Variants in MEF2A observed in about 807,000 individuals in gnomAD.
MEF2A encodes myocyte-specific enhancer factor 2A.
Under a neutral mutation model 55.8 loss-of-function variants are expected in MEF2A, and 28 were observed. That is an observed-to-expected ratio of 0.50 (90% CI 0.37 to 0.69). MEF2A has a LOEUF of 0.69. MEF2A is among the 30% of genes least tolerant of loss of function. The probability of loss-of-function intolerance (pLI) is 0.00; values close to 1 mark genes in which losing one functional copy is unlikely to be tolerated. For missense variants in MEF2A, 528 were observed against 626.2 expected (o/e 0.84, Z 1.67); for synonymous variants, 239 against 227.1 (o/e 1.05, Z -0.47).
chr15:99,593,846 G>C (rs905735286), intron 1 of MEF2A, among the ~76,000 whole-genome samples: 1 of 152,168 alleles, frequency 6.6e-6, no homozygotes, highest in African/African-American at 2.4e-5. Flanking sequence ...TGCTTCAAAG[G>C]TCTTGTTTCT....
At chr15:99,708,710 C>T (rs1472837816) in intron 10 of MEF2A, among the ~76,000 whole-genome samples, 3 of 152,188 alleles carry the variant, frequency 2.0e-5, no homozygotes, top group Non-Finnish European at 4.4e-5. Flanking sequence ...GCAGTGAAGC[C>T]TGGGGGGAAG....
intron 4 of MEF2A, among the ~76,000 whole-genome samples, chr15:99,653,183 G>A (rs1457318750): frequency 6.6e-6 from 1 of 152,172 alleles, no homozygotes; most frequent in Non-Finnish European, 1.5e-5. Flanking sequence ...CCTGTAAGGT[G>A]AGATGTATAT....
rs1483014417 is a variant in MEF2A, at chr15:99,677,498, A to G, written c.670+2040A>G. 2.0e-5 allele frequency among the ~76,000 whole-genome samples: 3 copies of G among 152,168 alleles called. No homozygotes were observed. In the East Asian group the frequency reaches 5.8e-4, roughly 29 times the overall value. On this transcript the variant is annotated intron_variant, in intron 7 of 11. Coordinates refer to ENST00000557942, the MANE Select transcript of MEF2A (RefSeq NM_001319206.4). ...AGCAAATACAAGAATTAAGAAACTA[A>G]AAGATAAGATAGAAGAAAATTATCC...
intron 4 of MEF2A, among the ~76,000 whole-genome samples, chr15:99,664,538 A>G (rs1031812234): frequency 6.6e-6 from 1 of 152,244 alleles, no homozygotes. Context: ...TTTATGGAAC[A>G]GATAGAATGG....
chr15:99,623,277 A>G (rs562333976), intron 2 of MEF2A, among the ~76,000 whole-genome samples: 3 of 152,306 alleles, frequency 2.0e-5, no homozygotes, highest in Admixed American at 2.0e-4. Flanking sequence ...TATTGTATGT[A>G]TGTACCACCT....
At chr15:99,582,494 C>T (rs1966222554) in intron 1 of MEF2A, among the ~76,000 whole-genome samples, 1 of 152,018 alleles carries the variant, frequency 6.6e-6, no homozygotes, top group Non-Finnish European at 1.5e-5. Flanking sequence ...TCATATTTGA[C>T]CTTATACTAA....
In MEF2A at chr15:99,612,798, T is replaced by TA. The variant is rs534554701; in HGVS notation, c.-143+14288dup. ...ACAGTGAGGGGTCTTACTTAATAGT[T>TA]ACACCTGTCTCAGGTAAACCAGAAT... is the stretch of plus-strand genomic sequence containing the variant. On this transcript the variant is annotated intron_variant, in intron 2 of 11. Transcript: ENST00000557942. 2.6e-4 allele frequency among the ~76,000 whole-genome samples: 40 copies of TA among 152,300 alleles called. No individual in the cohort carries two copies. The South Asian group carries it at 8.3e-3, about 32-fold the overall frequency.
At chr15:99,566,789 T>A (rs922043812) in intron 1 of MEF2A, among the ~76,000 whole-genome samples, 1 of 151,986 alleles carries the variant, frequency 6.6e-6, no homozygotes, top group Non-Finnish European at 1.5e-5. Flanking sequence ...TGTGTAGATG[T>A]CAGTGGCGGG....
At chr15:99,645,846 T>G in intron 4 of MEF2A, 82 bp downstream of exon 4, 1 of 1,002,066 alleles carries the variant, frequency 1.0e-6, no homozygotes, top group Non-Finnish European at 1.4e-6. Context: ...GAATGACTTG[T>G]ACATCTAAAA....
chr15:99,567,000 AAGTGAGAT>A (rs879326793), intron 1 of MEF2A, among the ~76,000 whole-genome samples: 4 of 152,248 alleles, frequency 2.6e-5, no homozygotes, highest in African/African-American at 4.8e-5. Context: ...GGGTTAAAGT[AAGTGAGAT>A]AGTGCAAACA....
chr15:99,673,944 ATTAAG>A (rs954418324), intron 5 of MEF2A, among the ~76,000 whole-genome samples: 10 of 152,056 alleles, frequency 6.6e-5, no homozygotes, highest in Middle Eastern at 3.2e-3. Context: ...GATTTGACAT[ATTAAG>A]TTAATAATAT....
rs1024345627 is a variant in MEF2A, at chr15:99,627,197, G to A, written c.-142-5781G>A. On this transcript the variant is annotated intron_variant, in intron 2 of 11. Transcript: ENST00000557942. Reference sequence around the variant, plus strand: ...AGTAAGGAACACGAAGTGGGTTAGGGCCAGTGAAAAAGTGGGAGTTTGAGA... The same window carrying A: ...AGTAAGGAACACGAAGTGGGTTAGGACCAGTGAAAAAGTGGGAGTTTGAGA... Among the ~76,000 whole-genome samples, 2 of 151,828 alleles carry A rather than the reference G, an allele frequency of 1.3e-5. 1 individual carries two copies. The highest frequency in any genetic ancestry group is 4.2e-4 in the South Asian group (2 of 4,808).
rs34753858 is a variant in MEF2A, at chr15:99,697,054, T to TA, written c.859-6297dup. Among the ~76,000 whole-genome samples the TA allele has an allele frequency of 1.2e-3, 176 of 150,788 alleles. 1 individual carries two copies. In the East Asian group the frequency reaches 0.03, roughly 26 times the overall value. The stretch of plus-strand genomic sequence containing the variant: ...AACAATTGAACATCTATTCATCATT[T>TA]AAAAAAAAAAATCTCAATGAACTAG... On this transcript the variant is annotated intron_variant, in intron 8 of 11. Transcript: ENST00000557942.
chr15:99,710,378 G>A (rs528201002), intron 10 of MEF2A, among the ~76,000 whole-genome samples: 6 of 152,302 alleles, frequency 3.9e-5, no homozygotes, highest in East Asian at 1.9e-4. Context: ...AAGTAGCTGG[G>A]ACTACAGGCA....
chr15:99,587,549 G>C (rs562921970), intron 1 of MEF2A, among the ~76,000 whole-genome samples: 1 of 152,248 alleles, frequency 6.6e-6, no homozygotes, highest in African/African-American at 2.4e-5. Context: ...TATCACAACA[G>C]TATTAACTGA....
Position 99,713,292 on chromosome 15 carries a change from C to G in MEF2A, c.*521C>G. On this transcript the variant is annotated 3_prime_UTR_variant, in exon 12 of 12. Transcript: ENST00000557942. Reference sequence around the variant, plus strand: ...TCCAACCTGGCATGGGTGTCTGTTGCAAAGGGGTGCATGGGAAAGGGCTGT... The same window carrying G: ...TCCAACCTGGCATGGGTGTCTGTTGGAAAGGGGTGCATGGGAAAGGGCTGT... 1 of 333,690 alleles carries G rather than the reference C, an allele frequency of 3.0e-6. No individual in the cohort carries two copies. Among genetic ancestry groups the G allele is most frequent in the Non-Finnish European group, 5.4e-6 (1 of 186,450 alleles). 20.7% of individuals were successfully genotyped at this position (333,690 alleles called of 1,614,324 possible). A position where few individuals can be genotyped will look rare whatever the true frequency, so the allele number is the denominator to read the frequency against.
chr15:99,653,149 G>T (rs1422721544), intron 4 of MEF2A, among the ~76,000 whole-genome samples: 1 of 152,090 alleles, frequency 6.6e-6, no homozygotes, highest in African/African-American at 2.4e-5. Flanking sequence ...GGTGCTTCCC[G>T]TGTTTCTCAA....
At chr15:99,593,007 G>T (rs1969873613) in intron 1 of MEF2A, among the ~76,000 whole-genome samples, 1 of 152,088 alleles carries the variant, frequency 6.6e-6, no homozygotes, top group Non-Finnish European at 1.5e-5. Context: ...GTATTGGGTG[G>T]TATACAATAT....
At chr15:99,616,912 G>A (rs1030079572) in intron 2 of MEF2A, among the ~76,000 whole-genome samples, 1 of 152,174 alleles carries the variant, frequency 6.6e-6, no homozygotes, top group Non-Finnish European at 1.5e-5. Flanking sequence ...ATTTTGATTG[G>A]TTGGCTGGAT....
Sources: allele counts gnomAD v4.1 joint callset (sites outside exome capture counted in the v4.1 genomes callset), GRCh38; gene constraint gnomAD v4.1.1; transcripts MANE v1.5; gene names NCBI Gene and HGNC (gene_info 2026-07-23, HGNC 2026-07-21).